The following FGF13 variants were observed in gnomAD, a reference collection of about 807,000 sequenced individuals.
FGF13 encodes fibroblast growth factor 13.
Under a neutral mutation model 19.5 loss-of-function variants are expected in FGF13, and 2 were observed. The ratio of observed to expected loss-of-function variants is 0.10; its 90% confidence interval spans 0.04 to 0.32. FGF13 has a LOEUF of 0.32. FGF13 is among the 10% of genes least tolerant of loss of function. The probability of loss-of-function intolerance (pLI) is 1.00; values close to 1 mark genes in which losing one functional copy is unlikely to be tolerated. For synonymous variants in FGF13, 72 were observed against 76.9 expected, an observed-to-expected ratio of 0.94 and a Z score of 0.33; for missense variants, 113 against 192.7, an observed-to-expected ratio of 0.59 and a Z score of 2.45.
intron 1 of FGF13, among the ~76,000 whole-genome samples, chrX:139,121,390 T>C (rs1164710919): frequency 9.0e-6 from 1 of 110,784 alleles, no homozygotes; most frequent in African/African-American, 3.3e-5. Context: ...GTCATCCTTC[T>C]AGTCATGTTT....
intron 1 of FGF13, among the ~76,000 whole-genome samples, chrX:139,004,327 G>T (rs745944922): frequency 1.8e-5 from 2 of 112,842 alleles, no homozygotes; most frequent in African/African-American, 6.4e-5. Context: ...TGAGTGCGGG[G>T]CCCGCCAAGC....
At chrX:139,078,675 A>C (rs546995131) in intron 1 of FGF13, among the ~76,000 whole-genome samples, 4 of 112,909 alleles carry the variant, frequency 3.5e-5, no homozygotes, top group African/African-American at 1.3e-4. Context: ...AGATTAGTGA[A>C]CAAAGTTCAG....
intron 1 of FGF13, among the ~76,000 whole-genome samples, chrX:138,984,598 A>AAGAAGAAGAG (rs2091983438): frequency 5.1e-5 from 2 of 39,074 alleles, no homozygotes; most frequent in African/African-American, 1.6e-4. Context: ...AAGGAGGAGG[A>AAGAAGAAGAG]GGAGGAGGAG....
At chrX:139,025,274 G>A (rs186291349) in intron 1 of FGF13, among the ~76,000 whole-genome samples, 1 of 111,698 alleles carries the variant, frequency 9.0e-6, no homozygotes, top group Non-Finnish European at 1.9e-5. Context: ...TGGATTTTCA[G>A]CTACACTCTT....
chrX:138,835,637 C>A (rs924945879), intron 3 of FGF13, among the ~76,000 whole-genome samples: 1 of 111,724 alleles, frequency 9.0e-6, no homozygotes, highest in Non-Finnish European at 1.9e-5. Context: ...TTAATTGGGG[C>A]ATTTAGCCCA....
chrX:138,732,871 G>C lies in FGF13; in HGVS notation c.28+6371C>G, dbSNP rs148544655. ...ATACTTACAGAAGTGAGATGTGGATGGTCTTCCTGTATCAGAATCACATGG... is the reference window on the plus strand; with the variant it reads ...ATACTTACAGAAGTGAGATGTGGATCGTCTTCCTGTATCAGAATCACATGG... On this transcript the variant is annotated intron_variant, in intron 1 of 4. Coordinates refer to the FGF13 transcript ENST00000305414. 1.8e-3 allele frequency among the ~76,000 whole-genome samples: 199 copies of C among 110,972 alleles called. 1 individual carries two copies. Among genetic ancestry groups the C allele is most frequent in the African/African-American group, 5.9e-3 (181 of 30,644 alleles).
At chrX:139,166,026 G>A (rs5929977) in intron 1 of FGF13, among the ~76,000 whole-genome samples, 20,139 of 110,873 alleles carry the variant, frequency 0.18, 1,886 homozygotes, top group East Asian at 0.54. Flanking sequence ...GGACTTTTGG[G>A]TTAATGCTGG....
intron 1 of FGF13, among the ~76,000 whole-genome samples, chrX:138,930,774 T>C (rs1291085931): frequency 9.0e-6 from 1 of 111,700 alleles, no homozygotes; most frequent in Non-Finnish European, 1.9e-5. Context: ...ACACACACAG[T>C]TCAAACCACA....
intron 1 of FGF13, among the ~76,000 whole-genome samples, chrX:138,731,000 G>A (rs1224651371): frequency 4.5e-5 from 5 of 111,124 alleles, no homozygotes; most frequent in Non-Finnish European, 9.5e-5. Flanking sequence ...ATTATAAAAT[G>A]GTCAATTAAT....
At position 138,876,160 on chromosome X, in the gene FGF13, A is replaced by G. The variant is rs367824650; in HGVS notation, c.-112-11510T>C. On this transcript the variant is annotated intron_variant, in intron 1 of 2. Coordinates refer to the FGF13 transcript ENST00000421460. ...TTTGACATGGCTGCTTTGGTTTTTC[A>G]TTGTAAAAATCAGTTCTCTTCTTTC... is the stretch of plus-strand genomic sequence containing the variant. Among the ~76,000 whole-genome samples, 4 of 111,953 alleles carry G rather than the reference A, an allele frequency of 3.6e-5. No individual in the cohort carries two copies. The East Asian group carries it at 8.4e-4, about 24-fold the overall frequency.
intron 3 of FGF13, among the ~76,000 whole-genome samples, chrX:138,802,700 GCT>G (rs1438773993): frequency 1.1e-4 from 12 of 111,064 alleles, no homozygotes; most frequent in Admixed American, 7.7e-4. Flanking sequence ...TTTCCTAGTT[GCT>G]CTTTGTCTTT....
At chrX:138,649,588 TCTG>T (rs761796136) in intron 3 of FGF13, among the ~76,000 whole-genome samples, 10 of 112,270 alleles carry the variant, frequency 8.9e-5, no homozygotes, top group Non-Finnish European at 1.9e-4. Context: ...ATCCATTTGC[TCTG>T]CTTTGAAGCT....
At chrX:139,122,450 T>C (rs116348736) in intron 1 of FGF13, among the ~76,000 whole-genome samples, 1,592 of 111,417 alleles carry the variant, frequency 0.014, 34 homozygotes, top group African/African-American at 0.049. Context: ...ACTGGCACCA[T>C]ACTTACCATG....
At chrX:138,727,518 A>G (rs1488854853) in intron 1 of FGF13, among the ~76,000 whole-genome samples, 1 of 111,695 alleles carries the variant, frequency 9.0e-6, no homozygotes, top group African/African-American at 3.3e-5. Context: ...CCATAATCAC[A>G]TTACTTTCTA....
At chrX:138,778,621 C>A (rs1032376067) in intron 3 of FGF13, among the ~76,000 whole-genome samples, 3 of 112,301 alleles carry the variant, frequency 2.7e-5, no homozygotes, top group Non-Finnish European at 5.6e-5. Context: ...GCTTAAAAAA[C>A]GGCACACCGG....
At chrX:138,988,329 A>G (rs976413291) in intron 1 of FGF13, among the ~76,000 whole-genome samples, 3 of 112,205 alleles carry the variant, frequency 2.7e-5, no homozygotes, top group African/African-American at 9.7e-5. Context: ...TCTAATTTTT[A>G]TTACAGGTGA....
At chrX:138,808,430 A>G (rs1026674315) in intron 3 of FGF13, among the ~76,000 whole-genome samples, 3 of 112,085 alleles carry the variant, frequency 2.7e-5, no homozygotes, top group African/African-American at 9.7e-5. Flanking sequence ...TCTCTGGGAC[A>G]CATTTAAAGC....
intron 3 of FGF13, among the ~76,000 whole-genome samples, chrX:138,834,989 A>T (rs1261767355): frequency 8.9e-6 from 1 of 111,771 alleles, no homozygotes. Context: ...CTTAGTCTTG[A>T]TTTCAAATTT....
chrX:138,938,409 T>C (rs1380016435), intron 1 of FGF13, among the ~76,000 whole-genome samples: 4 of 111,716 alleles, frequency 3.6e-5, no homozygotes, highest in Non-Finnish European at 7.5e-5. Flanking sequence ...GCCTGCCAAA[T>C]ACCTTTAGAA....
Sources: gnomAD v4.1 joint callset for allele counts (sites outside exome capture counted in the v4.1 genomes callset) on GRCh38, gnomAD v4.1.1 for gene constraint, MANE v1.5 for transcripts, NCBI Gene and HGNC (gene_info 2026-07-23, HGNC 2026-07-21) for gene names.